The following FYB1 variants were observed in gnomAD, a reference collection of about 807,000 sequenced individuals.
FYB1 encodes the protein FYN binding protein 1.
Under a neutral mutation model 94.1 loss-of-function variants are expected in FYB1, and 41 were observed. That is an observed-to-expected ratio of 0.44 (90% CI 0.34 to 0.57). FYB1 has a LOEUF of 0.57. Ranked by LOEUF, FYB1 falls within the 20% of genes least tolerant of loss-of-function variation. FYB1 has a pLI of 0.02. For missense variants in FYB1, 1,050 were observed against 976.8 expected, an observed-to-expected ratio of 1.07 and a Z score of -1.00; for synonymous variants, 367 against 353.2, an observed-to-expected ratio of 1.04 and a Z score of -0.44.
At chr5:39,263,375 A>G (rs1449590032) in intron 1 of FYB1, among the ~76,000 whole-genome samples, 1 of 147,660 alleles carries the variant, frequency 6.8e-6, no homozygotes, top group Non-Finnish European at 1.5e-5. Context: ...ATAGTACAGG[A>G]TTTTTTTTTT....
intron 1 of FYB1, among the ~76,000 whole-genome samples, chr5:39,234,701 A>G (rs1346171797): frequency 2.6e-5 from 4 of 152,222 alleles, no homozygotes; most frequent in Non-Finnish European, 5.9e-5. Flanking sequence ...ACCATGGAAT[A>G]CTATGCAGCC....
chr5:39,239,048 C>G (rs962641148), intron 1 of FYB1, among the ~76,000 whole-genome samples: 2 of 152,012 alleles, frequency 1.3e-5, no homozygotes, highest in African/African-American at 4.8e-5. Flanking sequence ...ACAAATAGAA[C>G]TAAAAACAAA....
At chr5:39,175,137 A>G (rs1745606035) in intron 2 of FYB1, among the ~76,000 whole-genome samples, 1 of 152,184 alleles carries the variant, frequency 6.6e-6, no homozygotes, top group Non-Finnish European at 1.5e-5. Flanking sequence ...AAGCTGGGGA[A>G]AGGGAAAAGG....
intron 1 of FYB1, among the ~76,000 whole-genome samples, chr5:39,227,554 T>C (rs892706784): frequency 1.3e-5 from 2 of 152,276 alleles, no homozygotes; most frequent in African/African-American, 2.4e-5. Context: ...GCTGTGTTAT[T>C]GTTTAAGCTT....
intron 16 of FYB1, among the ~76,000 whole-genome samples, chr5:39,112,161 G>A (rs1228348605): frequency 1.3e-5 from 2 of 151,892 alleles, no homozygotes; most frequent in African/African-American, 4.8e-5. Flanking sequence ...TCTCATAACT[G>A]AAATAACTCT....
chr5:39,243,309 A>AT, intron 1 of FYB1, among the ~76,000 whole-genome samples: 1 of 151,878 alleles, frequency 6.6e-6, no homozygotes, highest in South Asian at 2.1e-4. Context: ...TCTTGAATTA[A>AT]TTTTTGTATA....
chr5:39,231,179 A>G (rs1750729935), intron 1 of FYB1, among the ~76,000 whole-genome samples: 1 of 115,366 alleles, frequency 8.7e-6, no homozygotes, highest in Non-Finnish European at 1.5e-5. Context: ...AAACAAAAAA[A>G]ACAAAACAGC....
At chr5:39,115,759 G>T (rs1391821828) in intron 16 of FYB1, among the ~76,000 whole-genome samples, 1 of 152,046 alleles carries the variant, frequency 6.6e-6, no homozygotes, top group Non-Finnish European at 1.5e-5. Flanking sequence ...AAGGCAGGAA[G>T]TTAGGAAAAA....
intron 2 of FYB1, among the ~76,000 whole-genome samples, chr5:39,196,226 T>TG (rs1267432762): frequency 1.3e-5 from 2 of 150,910 alleles, no homozygotes; most frequent in Non-Finnish European, 3.0e-5. Flanking sequence ...TTTTTTTTTT[T>TG]TGAGATAGGG....
At chr5:39,272,500 TAA>T (rs33922266) in intron 1 of FYB1, among the ~76,000 whole-genome samples, 213 of 144,774 alleles carry the variant, frequency 1.5e-3, no homozygotes, top group Non-Finnish European at 1.5e-3. Context: ...CCGTCTCTAC[TAA>T]AAAAAAAAAA....
intron 1 of FYB1, among the ~76,000 whole-genome samples, chr5:39,238,009 G>A (rs1299644930): frequency 1.3e-5 from 2 of 152,050 alleles, no homozygotes; most frequent in African/African-American, 2.4e-5. Context: ...AAGTATGGGA[G>A]GAATAGCTAA....
At chr5:39,241,769 G>A (rs1431882970) in intron 1 of FYB1, among the ~76,000 whole-genome samples, 1 of 151,768 alleles carries the variant, frequency 6.6e-6, no homozygotes, top group Non-Finnish European at 1.5e-5. Context: ...GAAGAGCAGT[G>A]TATTGGAAAG....
chr5:39,271,367 T>C (rs1454105173), intron 1 of FYB1, among the ~76,000 whole-genome samples: 1 of 152,230 alleles, frequency 6.6e-6, no homozygotes, highest in Non-Finnish European at 1.5e-5. Context: ...TGTACCTCTC[T>C]GAACACATTC....
chr5:39,231,161 A>C (rs1437165471), intron 1 of FYB1, among the ~76,000 whole-genome samples: 1 of 116,936 alleles, frequency 8.6e-6, no homozygotes, highest in Non-Finnish European at 1.6e-5. Flanking sequence ...AAAAAAAAAA[A>C]CAAAAAAAAA....
intron 2 of FYB1, among the ~76,000 whole-genome samples, chr5:39,175,640 T>C: frequency 6.6e-6 from 1 of 152,210 alleles, no homozygotes; most frequent in Non-Finnish European, 1.5e-5. Context: ...TGAGAGATTT[T>C]AAACTGCAGG....
At chr5:39,208,248 C>T (rs747227517) in intron 1 of FYB1, among the ~76,000 whole-genome samples, 98 of 152,218 alleles carry the variant, frequency 6.4e-4, no homozygotes, top group Non-Finnish European at 4.9e-4. Context: ...ATGTTTGTGT[C>T]ACTTTTGCAA....
chr5:39,127,059 C>CAAAAAA (rs200980181), intron 11 of FYB1, among the ~76,000 whole-genome samples: 4 of 77,488 alleles, frequency 5.2e-5, no homozygotes, highest in East Asian at 2.8e-4. Context: ...ACTCAGGTCT[C>CAAAAAA]AAAAAAAAAA....
chr5:39,271,812 C>T (rs1039126337), intron 1 of FYB1, among the ~76,000 whole-genome samples: 1 of 152,066 alleles, frequency 6.6e-6, no homozygotes, highest in Non-Finnish European at 1.5e-5. Flanking sequence ...GGTGGATGGT[C>T]AGGAATCTGA....
intron 2 of FYB1, among the ~76,000 whole-genome samples, chr5:39,185,642 A>ATG (rs1491164310): frequency 2.7e-5 from 4 of 146,702 alleles, no homozygotes; most frequent in African/African-American, 1.0e-4. Flanking sequence ...ATATATATAT[A>ATG]CACACACACA....
Sources: gnomAD v4.1 joint callset for allele counts (sites outside exome capture counted in the v4.1 genomes callset) on GRCh38, gnomAD v4.1.1 for gene constraint, MANE v1.5 for transcripts, NCBI Gene and HGNC (gene_info 2026-07-23, HGNC 2026-07-21) for gene names.